The following KMT2C variants were observed in gnomAD, a reference collection of about 807,000 sequenced individuals.
KMT2C encodes the protein lysine methyltransferase 2C.
A neutral mutation model predicts 507.9 loss-of-function variants in KMT2C; 88 were observed. The observed-to-expected ratio is 0.17, with a 90% CI of 0.15 to 0.21. The LOEUF (loss-of-function observed/expected upper bound fraction) is 0.21. Ranked by LOEUF, KMT2C falls within the 10% of genes least tolerant of loss-of-function variation. The pLI is 1.00. For missense variants in KMT2C, 4,954 were observed against 5,957.8 expected (o/e 0.83, Z 5.55); for synonymous variants, 2,049 against 2,080.8 (o/e 0.98, Z 0.42).
At chr7:152,380,423 C>G (rs571436623) in intron 1 of KMT2C, among the ~76,000 whole-genome samples, 267 of 152,194 alleles carry the variant, frequency 1.8e-3, no homozygotes, top group Admixed American at 3.4e-3. Flanking sequence ...CAAAAATTAG[C>G]TGAGCATGGG....
intron 37 of KMT2C, among the ~76,000 whole-genome samples, chr7:152,179,067 T>C (rs373649142): frequency 6.6e-6 from 1 of 152,228 alleles, no homozygotes; most frequent in African/African-American, 2.4e-5. Flanking sequence ...CTCGGCTCAC[T>C]GCAACCTCCA....
In KMT2C at chr7:152,178,015, T is replaced by TAAAAAAAAAAAAAAA. The variant is rs746018833; in HGVS notation, c.7443-20_7443-6dup. The TAAAAAAAAAAAAAAA allele has an allele frequency of 3.7e-6, 3 of 811,048 alleles. No homozygotes were observed. In the African/African-American group the frequency reaches 9.3e-5, roughly 25 times the overall value. 50.2% of individuals were successfully genotyped at this position (811,048 alleles called of 1,614,324 possible). On this transcript the variant is annotated splice_polypyrimidine_tract_variant and splice_region_variant and intron_variant, in intron 37 of 58. Transcript: ENST00000262189. ...CTACCTCCTGGAAATCCAAATCTTT[T>TAAAAAAAAAAAAAAA]AAAAAAAAAAAAAAAAAAAAAAAAA...
At chr7:152,325,262 C>T (rs1166637809) in intron 3 of KMT2C, among the ~76,000 whole-genome samples, 1 of 151,648 alleles carries the variant, frequency 6.6e-6, no homozygotes, top group Non-Finnish European at 1.5e-5. Flanking sequence ...AGCAATTTTG[C>T]CTCAGCCTCC....
chr7:152,386,963 A>G (rs570168808), intron 1 of KMT2C, among the ~76,000 whole-genome samples: 1 of 152,316 alleles, frequency 6.6e-6, no homozygotes, highest in South Asian at 2.1e-4. Context: ...TACATTTTAT[A>G]TAGAATTTTG....
At chr7:152,249,320 GTTTT>G (rs200151238) in intron 13 of KMT2C, among the ~76,000 whole-genome samples, 11 of 94,632 alleles carry the variant, frequency 1.2e-4, no homozygotes, top group Admixed American at 3.7e-4. Context: ...AATTTATCTG[GTTTT>G]TTTTTTTTTT....
At chr7:152,211,148 C>G (rs1588238527) in intron 23 of KMT2C, among the ~76,000 whole-genome samples, 1 of 152,132 alleles carries the variant, frequency 6.6e-6, no homozygotes, top group East Asian at 1.9e-4. Context: ...TTAACAGCTT[C>G]CAAGAAAACG....
chr7:152,398,960 A>G (rs1013730943), intron 1 of KMT2C, among the ~76,000 whole-genome samples: 1 of 151,926 alleles, frequency 6.6e-6, no homozygotes, highest in Non-Finnish European at 1.5e-5. Flanking sequence ...CTGAGTAGGT[A>G]GGACTACAGG....
At chr7:152,243,900 G>GGT (rs750815245) in intron 14 of KMT2C, among the ~76,000 whole-genome samples, 22 of 152,088 alleles carry the variant, frequency 1.4e-4, no homozygotes, top group Non-Finnish European at 3.1e-4. Flanking sequence ...AGAACATGAA[G>GGT]GTGTCTGAAC....
At chr7:152,153,364 C>T (rs543138364) in intron 48 of KMT2C, among the ~76,000 whole-genome samples, 1 of 152,228 alleles carries the variant, frequency 6.6e-6, no homozygotes, top group South Asian at 2.1e-4. Context: ...CAAAATATCA[C>T]ATCATTGGAC....
chr7:152,311,832 A>G lies in KMT2C; in HGVS notation c.705T>C (p.Asp235=). 5 of 1,611,428 alleles carry G rather than the reference A, an allele frequency of 3.1e-6. No homozygotes were observed. The highest frequency in any genetic ancestry group is 4.2e-6 in the Non-Finnish European group (5 of 1,178,034). ...CAAATAAGGCTTGGATATCAATGGCATCTGGAAGCCCAACCAGACTGAGTT... is the reference window on the plus strand; with the variant it reads ...CAAATAAGGCTTGGATATCAATGGCGTCTGGAAGCCCAACCAGACTGAGTT... The part of the protein sequence containing the change: ...WDELSLVGLP[D]AIDIQALFDS... The change falls in exon 5 of 59, where the codon GAT becomes GAC. Residue 235 remains aspartate, a synonymous_variant. Transcript: ENST00000262189.
In KMT2C at chr7:152,182,401, G is replaced by C. The variant is rs2093463374; in HGVS notation, c.5459C>G (p.Ser1820Cys). ...LTPQPGNGNMSPAQSFHKELF... is the reference protein window; with the variant it reads ...LTPQPGNGNMCPAQSFHKELF... ...TTCTTTATGGAATGACTGTGCAGGA[G>C]ACATATTTCCATTGCCAGGCTGAGG... Residue 1820 changes from serine (S) to cysteine (C), a missense_variant, in exon 36 of 59, where the codon TCT becomes TGT. This residue lies in a region of KMT2C where 1,689 missense variants were observed against 1,654.3 expected (regional missense o/e 1.02). Transcript: ENST00000262189. 1 of 1,613,582 alleles carries C rather than the reference G, an allele frequency of 6.2e-7. No individual in the cohort carries two copies. Among genetic ancestry groups the C allele is most frequent in the Non-Finnish European group, 8.5e-7 (1 of 1,179,680 alleles).
intron 6 of KMT2C, 120 bp from the exon 7 acceptor site, chr7:152,273,987 A>C (rs1476405451): frequency 4.4e-6 from 4 of 913,148 alleles, no homozygotes; most frequent in South Asian, 6.5e-5. Flanking sequence ...TGAACCTGCA[A>C]AATATTAAAC....
chr7:152,429,852 T>C (rs1180058280), intron 1 of KMT2C, among the ~76,000 whole-genome samples: 1 of 151,434 alleles, frequency 6.6e-6, no homozygotes, highest in East Asian at 2.0e-4. Flanking sequence ...ACCACCAGCA[T>C]ATATCTACAA....
chr7:152,181,724 G>T lies in KMT2C; in HGVS notation c.6136C>A (p.Pro2046Thr), dbSNP rs748819219. Residue 2046 changes from proline (P) to threonine (T), a missense_variant, in exon 36 of 59, where the codon CCA (proline) becomes ACA (threonine). By Grantham distance (38) the Pro-to-Thr change is conservative. Coordinates refer to ENST00000262189, the MANE Select transcript of KMT2C (RefSeq NM_170606.3). ...TGAGAGGATGGAGGAGGTTGCATTG[G>T]AGTCTTAAAAGGTCCAGGACCACTA... Reference protein sequence around the residue: ...LDSGPGPFKTPMQPPPSSQDP... With the variant: ...LDSGPGPFKTTMQPPPSSQDP... The T allele has an allele frequency of 6.2e-7, 1 of 1,614,126 alleles. No individual in the cohort carries two copies.
intron 3 of KMT2C, among the ~76,000 whole-genome samples, chr7:152,320,642 T>A (rs2096765147): frequency 6.6e-6 from 1 of 151,886 alleles, no homozygotes; most frequent in Non-Finnish European, 1.5e-5. Context: ...AGTGGAAGAT[T>A]TTAATTATTT....
intron 6 of KMT2C, among the ~76,000 whole-genome samples, chr7:152,307,037 T>C (rs1233132425): frequency 2.0e-5 from 3 of 151,904 alleles, no homozygotes; most frequent in African/African-American, 7.3e-5. Context: ...CGCATGCCTG[T>C]GGTCCCGGAT....
intron 6 of KMT2C, among the ~76,000 whole-genome samples, chr7:152,275,924 T>C (rs2096071970): frequency 6.6e-6 from 1 of 152,208 alleles, no homozygotes; most frequent in Non-Finnish European, 1.5e-5. Flanking sequence ...AGATAAAATA[T>C]AATGAGAGGT....
chr7:152,318,390 G>A (rs918542574), intron 3 of KMT2C, among the ~76,000 whole-genome samples: 7 of 151,792 alleles, frequency 4.6e-5, no homozygotes, highest in African/African-American at 1.7e-4. Flanking sequence ...GATCACCTGA[G>A]GTCAGTTCGA....
intron 3 of KMT2C, among the ~76,000 whole-genome samples, chr7:152,318,877 C>T (rs533842841): frequency 1.6e-4 from 24 of 152,046 alleles, no homozygotes; most frequent in African/African-American, 5.8e-4. Context: ...TAATAGATAT[C>T]GATCATAACC....
Sources: gnomAD v4.1 joint callset for allele counts (sites outside exome capture counted in the v4.1 genomes callset) on GRCh38, gnomAD v4.1.1 for gene constraint, gnomAD v4.1.1 regional missense constraint, MANE v1.5 for transcripts, NCBI Gene and HGNC (gene_info 2026-07-23, HGNC 2026-07-21) for gene names.